CELF2: variants seen among roughly 807,000 people sequenced by gnomAD.
CELF2 encodes CUGBP Elav-like family member 2, also known as CUG triplet repeat RNA-binding protein 2.
A neutral mutation model predicts 62.6 loss-of-function variants in CELF2; 8 were observed. The observed-to-expected ratio is 0.13, with a 90% CI of 0.07 to 0.23. The LOEUF is 0.23. Ranked by LOEUF, CELF2 falls within the 10% of genes least tolerant of loss-of-function variation. The pLI is 1.00. For synonymous variants in CELF2, 258 were observed against 250.0 expected (o/e 1.03, Z -0.30); for missense variants, 333 against 671.0 (o/e 0.50, Z 5.56).
chr10:11,040,923 A>G (rs1201878210), intron 1 of CELF2, among the ~76,000 whole-genome samples: 2 of 152,182 alleles, frequency 1.3e-5, no homozygotes, highest in Admixed American at 6.5e-5. Flanking sequence ...CTGCTGTTCT[A>G]TGGCCTCCTG....
chr10:10,574,312 TAGA>T, the CELF2 span, among the ~76,000 whole-genome samples: 1 of 152,136 alleles, frequency 6.6e-6, no homozygotes, highest in Non-Finnish European at 1.5e-5. Flanking sequence ...GATGACAAAG[TAGA>T]AGAAGGATTG....
At chr10:11,058,937 T>C (rs572166786) in intron 1 of CELF2, among the ~76,000 whole-genome samples, 52 of 152,108 alleles carry the variant, frequency 3.4e-4, no homozygotes, top group Non-Finnish European at 4.9e-4. Context: ...TTTATCACCA[T>C]GTCCGGCTAA....
chr10:11,231,083 T>G (rs534618464), intron 3 of CELF2, among the ~76,000 whole-genome samples: 1 of 152,228 alleles, frequency 6.6e-6, no homozygotes, highest in South Asian at 2.1e-4. Context: ...GGTCTATGTA[T>G]GTTTTTGCAA....
At chr10:11,088,205 A>G (rs2047334975) in intron 1 of CELF2, among the ~76,000 whole-genome samples, 1 of 152,228 alleles carries the variant, frequency 6.6e-6, no homozygotes, top group African/African-American at 2.4e-5. Flanking sequence ...AAGGCTGTGC[A>G]TTGAAGGAGG....
At chr10:10,705,300 T>C in the CELF2 span, among the ~76,000 whole-genome samples, 6 of 151,602 alleles carry the variant, frequency 4.0e-5, no homozygotes, top group Non-Finnish European at 7.4e-5. Flanking sequence ...TCTCAAACTC[T>C]GTGCGTGTGT....
chr10:10,889,326 C>T (rs575957027), intron 1 of CELF2, among the ~76,000 whole-genome samples: 15 of 152,294 alleles, frequency 9.8e-5, no homozygotes, highest in South Asian at 4.1e-4. Context: ...AAATCATATA[C>T]TGTACTCCAC....
At chr10:10,482,599 A>G in the CELF2 span, among the ~76,000 whole-genome samples, 1 of 152,232 alleles carries the variant, frequency 6.6e-6, no homozygotes, top group Admixed American at 6.5e-5. Flanking sequence ...TTTCTTTTTC[A>G]AACAACAGTG....
At chr10:10,590,920 C>T in the CELF2 span, among the ~76,000 whole-genome samples, 1 of 152,094 alleles carries the variant, frequency 6.6e-6, no homozygotes, top group Admixed American at 6.6e-5. Flanking sequence ...TGTTAAGTTG[C>T]TATGGTAGAT....
intron 1 of CELF2, among the ~76,000 whole-genome samples, chr10:11,161,685 A>T (rs561809888): frequency 6.6e-5 from 10 of 152,306 alleles, no homozygotes; most frequent in African/African-American, 2.4e-4. Context: ...AAATTCTTGG[A>T]CTGTAAGAGG....
At chr10:10,648,349 A>T in the CELF2 span, among the ~76,000 whole-genome samples, 1 of 152,192 alleles carries the variant, frequency 6.6e-6, no homozygotes, top group African/African-American at 2.4e-5. Flanking sequence ...GTCTGCCTTT[A>T]CTAGGCTATA....
At chr10:10,979,540 G>A (rs959784848) in intron 2 of CELF2, among the ~76,000 whole-genome samples, 1 of 151,982 alleles carries the variant, frequency 6.6e-6, no homozygotes, top group Non-Finnish European at 1.5e-5. Context: ...GCATGGTGGT[G>A]CATACCTGTA....
At chr10:10,540,975 G>A in the CELF2 span, among the ~76,000 whole-genome samples, 5 of 152,090 alleles carry the variant, frequency 3.3e-5, no homozygotes, top group African/African-American at 1.2e-4. Context: ...ACGAGGTCAG[G>A]AGATCGCGCC....
At chr10:10,903,892 T>TA (rs1229118931) in intron 1 of CELF2, among the ~76,000 whole-genome samples, 1 of 152,172 alleles carries the variant, frequency 6.6e-6, no homozygotes, top group Non-Finnish European at 1.5e-5. Context: ...AGGTCATGCA[T>TA]GCCTGCATAG....
intron 1 of CELF2, among the ~76,000 whole-genome samples, chr10:11,052,100 C>T (rs985684177): frequency 4.0e-5 from 6 of 151,884 alleles, no homozygotes; most frequent in South Asian, 4.2e-4. Context: ...TGTCATGAGC[C>T]CCAAAATGCC....
chr10:11,193,752 CTG>C (rs754678744), intron 2 of CELF2, among the ~76,000 whole-genome samples: 1 of 152,186 alleles, frequency 6.6e-6, no homozygotes, highest in South Asian at 2.1e-4. Flanking sequence ...TCTTTGAAGA[CTG>C]TTTGATCTTA....
At chr10:10,533,548 A>T in the CELF2 span, among the ~76,000 whole-genome samples, 7 of 152,238 alleles carry the variant, frequency 4.6e-5, no homozygotes, top group Non-Finnish European at 1.0e-4. Context: ...ACCTCAGAGT[A>T]ACTTACAGAG....
chr10:10,863,203 T>G (rs1465887564), intron 1 of CELF2, among the ~76,000 whole-genome samples: 4 of 152,180 alleles, frequency 2.6e-5, no homozygotes, highest in Non-Finnish European at 2.9e-5. Context: ...CTAAAAGAGA[T>G]AATTTTCTTT....
intron 1 of CELF2, among the ~76,000 whole-genome samples, chr10:10,840,646 T>G (rs74596091): frequency 0.073 from 11,109 of 152,256 alleles, 633 homozygotes; most frequent in East Asian, 0.19. Context: ...TTTTCCAAAC[T>G]GTGGCTTGTC....
chr10:11,123,683 G>A (rs1298743513), intron 1 of CELF2, among the ~76,000 whole-genome samples: 1 of 152,192 alleles, frequency 6.6e-6, no homozygotes, highest in African/African-American at 2.4e-5. Flanking sequence ...GCAGAAAAGA[G>A]CCTGCTACCC....
Sources: allele counts gnomAD v4.1 joint callset (sites outside exome capture counted in the v4.1 genomes callset), GRCh38; gene constraint gnomAD v4.1.1; transcripts MANE v1.5; gene names NCBI Gene and HGNC (gene_info 2026-07-23, HGNC 2026-07-21).